Variants in PTPRD observed in about 807,000 individuals in gnomAD.
The protein encoded by PTPRD is receptor-type tyrosine-protein phosphatase delta.
A neutral mutation model predicts 214.5 loss-of-function variants in PTPRD; 34 were observed. That is an observed-to-expected ratio of 0.16 (90% CI 0.12 to 0.21). PTPRD has a LOEUF of 0.21. PTPRD is among the 10% of genes least tolerant of loss of function. PTPRD has a pLI of 1.00. For missense variants in PTPRD, 2,545 were observed against 2,398.7 expected, an observed-to-expected ratio of 1.06 and a Z score of -1.27; for synonymous variants, 1,128 against 845.7, an observed-to-expected ratio of 1.33 and a Z score of -5.79.
chr9:10,412,468 A>G (rs553145795), intron 2 of PTPRD, among the ~76,000 whole-genome samples: 72 of 151,800 alleles, frequency 4.7e-4, no homozygotes, highest in Non-Finnish European at 9.3e-4. Flanking sequence ...TGTAGTATTC[A>G]TAGCCAAATT....
chr9:10,360,833 TG>T (rs1356976479), intron 2 of PTPRD, among the ~76,000 whole-genome samples: 2 of 152,174 alleles, frequency 1.3e-5, no homozygotes, highest in Non-Finnish European at 2.9e-5. Context: ...CCAGGCGCGG[TG>T]GCTCACGCCT....
At chr9:9,357,407 AC>A (rs1407946684) in intron 9 of PTPRD, among the ~76,000 whole-genome samples, 1 of 151,210 alleles carries the variant, frequency 6.6e-6, no homozygotes, top group Non-Finnish European at 1.5e-5. Flanking sequence ...ACTTCTCATG[AC>A]CTTTTGTCAC....
intron 3 of PTPRD, among the ~76,000 whole-genome samples, chr9:10,040,885 T>G (rs2097285217): frequency 6.6e-6 from 1 of 152,064 alleles, no homozygotes; most frequent in Non-Finnish European, 1.5e-5. Context: ...GATAATCTGC[T>G]TAAGAGCTAT....
intron 8 of PTPRD, among the ~76,000 whole-genome samples, chr9:9,399,453 T>C (rs566679394): frequency 7.9e-5 from 12 of 152,178 alleles, no homozygotes; most frequent in African/African-American, 2.9e-4. Flanking sequence ...TACAGTAGAA[T>C]GCTACTCAGT....
At chr9:8,434,468 A>G (rs1202258211) in intron 35 of PTPRD, among the ~76,000 whole-genome samples, 2 of 152,204 alleles carry the variant, frequency 1.3e-5, no homozygotes, top group Non-Finnish European at 2.9e-5. Flanking sequence ...CAGTGACAAA[A>G]TCACCCAAGA....
chr9:9,677,418 A>G (rs1380085831), intron 7 of PTPRD, among the ~76,000 whole-genome samples: 3 of 152,088 alleles, frequency 2.0e-5, no homozygotes, highest in Non-Finnish European at 4.4e-5. Flanking sequence ...TTCAACATAT[A>G]CAAATCAATA....
intron 11 of PTPRD, among the ~76,000 whole-genome samples, chr9:8,886,533 G>A (rs1467185340): frequency 1.3e-5 from 2 of 152,180 alleles, no homozygotes; most frequent in Non-Finnish European, 2.9e-5. Context: ...GTTAAATGCA[G>A]TTAGGAAGAA....
chr9:9,489,463 T>G (rs2095807555), intron 8 of PTPRD, among the ~76,000 whole-genome samples: 1 of 152,064 alleles, frequency 6.6e-6, no homozygotes, highest in African/African-American at 2.4e-5. Flanking sequence ...CTAAACAGAC[T>G]TTATAACAAA....
intron 10 of PTPRD, among the ~76,000 whole-genome samples, chr9:9,148,141 T>G (rs528763694): frequency 6.6e-6 from 1 of 152,216 alleles, no homozygotes; most frequent in Non-Finnish European, 1.5e-5. Flanking sequence ...CGAGCACTGG[T>G]GACTACCCTT....
At chr9:9,088,581 G>GAAAAAAAAAAAAAAAC (rs2099770924) in intron 10 of PTPRD, among the ~76,000 whole-genome samples, 1 of 33,032 alleles carries the variant, frequency 3.0e-5, no homozygotes, top group African/African-American at 9.4e-5. Context: ...CTTAGTCTCA[G>GAAAAAAAAAAAAAAAC]AAAAAAAAAA....
intron 10 of PTPRD, among the ~76,000 whole-genome samples, chr9:9,109,082 T>G (rs1222071412): frequency 2.0e-5 from 3 of 152,136 alleles, no homozygotes; most frequent in African/African-American, 7.2e-5. Context: ...TGGTGAAGTT[T>G]TGATGAGTTC....
At chr9:10,456,171 C>T (rs112071349) in intron 2 of PTPRD, among the ~76,000 whole-genome samples, 1,806 of 151,926 alleles carry the variant, frequency 0.012, 34 homozygotes, top group African/African-American at 0.039. Flanking sequence ...GGCTAAGCAA[C>T]TTCAGCAGCA....
chr9:9,004,507 T>C (rs2099446840), intron 11 of PTPRD, among the ~76,000 whole-genome samples: 1 of 151,996 alleles, frequency 6.6e-6, no homozygotes, highest in South Asian at 2.1e-4. Context: ...TCTTGTTGGC[T>C]AAGATGATCA....
chr9:9,851,382 T>G (rs4740993), intron 5 of PTPRD, among the ~76,000 whole-genome samples: 1 of 152,024 alleles, frequency 6.6e-6, no homozygotes, highest in Non-Finnish European at 1.5e-5. Flanking sequence ...ATCTGTTCCA[T>G]TGAGTCAATG....
chr9:9,950,256 T>TG, intron 4 of PTPRD, among the ~76,000 whole-genome samples: 1 of 152,112 alleles, frequency 6.6e-6, no homozygotes, highest in Non-Finnish European at 1.5e-5. Flanking sequence ...GACATCCAGA[T>TG]GGGGATGCTG....
intron 3 of PTPRD, among the ~76,000 whole-genome samples, chr9:10,079,962 T>C (rs1212788132): frequency 4.0e-5 from 6 of 151,184 alleles, no homozygotes; most frequent in Non-Finnish European, 7.4e-5. Flanking sequence ...GCTTGGTATG[T>C]ACAACCCCTT....
intron 9 of PTPRD, among the ~76,000 whole-genome samples, chr9:9,330,149 C>T (rs185879794): frequency 2.6e-5 from 4 of 152,064 alleles, no homozygotes; most frequent in South Asian, 4.1e-4. Context: ...TGCCATCTGA[C>T]CCCCTGCTTC....
At chr9:10,554,199 A>C (rs578159925) in intron 2 of PTPRD, among the ~76,000 whole-genome samples, 48 of 152,122 alleles carry the variant, frequency 3.2e-4, no homozygotes, top group Non-Finnish European at 5.9e-4. Context: ...CTTGCCCTTA[A>C]ATGGAAATAT....
intron 4 of PTPRD, among the ~76,000 whole-genome samples, chr9:10,002,427 A>G (rs1208734290): frequency 6.7e-6 from 1 of 149,812 alleles, no homozygotes; most frequent in Non-Finnish European, 1.5e-5. Context: ...ATCTACCTAT[A>G]TGTTGTCTAA....
Sources: gnomAD v4.1 joint callset for allele counts (sites outside exome capture counted in the v4.1 genomes callset) on GRCh38, gnomAD v4.1.1 for gene constraint, MANE v1.5 for transcripts, NCBI Gene and HGNC (gene_info 2026-07-23, HGNC 2026-07-21) for gene names.